The following MACROD1 variants were observed in gnomAD, a reference collection of about 807,000 sequenced individuals.
The protein encoded by MACROD1 is ADP-ribose glycohydrolase MACROD1.
A neutral mutation model predicts 41.4 loss-of-function variants in MACROD1; 31 were observed. That is an observed-to-expected ratio of 0.75 (90% CI 0.56 to 1.01). The LOEUF (loss-of-function observed/expected upper bound fraction) is 1.01. Among genes scored for constraint, MACROD1 ranks in the 50% least tolerant of loss-of-function variants. The pLI is 0.00. For missense variants in MACROD1, 473 were observed against 460.0 expected (o/e 1.03, Z -0.26); for synonymous variants, 252 against 203.4 (o/e 1.24, Z -2.03).
intron 3 of MACROD1, among the ~76,000 whole-genome samples, chr11:64,150,388 T>TG (rs1245743536): frequency 1.3e-5 from 2 of 152,184 alleles, no homozygotes; most frequent in Admixed American, 6.5e-5. Flanking sequence ...AGGGAGGGGC[T>TG]GGCACAGCAG....
intron 3 of MACROD1, among the ~76,000 whole-genome samples, chr11:64,035,747 C>T (rs1176374379): frequency 6.8e-6 from 1 of 147,190 alleles, no homozygotes; most frequent in Non-Finnish European, 1.5e-5. Context: ...TCCTCTCCCT[C>T]CCCGCTCCGC....
intron 3 of MACROD1, among the ~76,000 whole-genome samples, chr11:64,076,443 TG>T (rs1944202411): frequency 1.3e-5 from 2 of 151,714 alleles, no homozygotes; most frequent in Non-Finnish European, 2.9e-5. Context: ...ACTGGATGGA[TG>T]GATGGACGGA....
rs754269287 is a variant in MACROD1 at position 63,999,327 on chromosome 11, T to C, written c.891+4A>G. The C allele has an allele frequency of 7.0e-6, 11 of 1,564,180 alleles. No individual in the cohort carries two copies. Among genetic ancestry groups the C allele is most frequent in the Non-Finnish European group, 9.5e-6 (11 of 1,161,360 alleles). On this transcript the variant is annotated splice_donor_region_variant and intron_variant, in intron 8 of 10. Coordinates refer to ENST00000255681, the MANE Select transcript of MACROD1 (RefSeq NM_014067.4). Reference sequence around the variant, plus strand: ...CCCCACCCTCGCCCGGGCCCAGGACTCACCTTGTCCTTGTGCTGCTCCAGC... The same window carrying C: ...CCCCACCCTCGCCCGGGCCCAGGACCCACCTTGTCCTTGTGCTGCTCCAGC...
At chr11:64,137,289 C>A (rs1426467631) in intron 3 of MACROD1, among the ~76,000 whole-genome samples, 1 of 152,068 alleles carries the variant, frequency 6.6e-6, no homozygotes, top group Non-Finnish European at 1.5e-5. Flanking sequence ...GGGGGGGTCT[C>A]CTGAGCTGGG....
At chr11:64,112,555 C>T (rs929725183) in intron 3 of MACROD1, among the ~76,000 whole-genome samples, 6 of 152,106 alleles carry the variant, frequency 3.9e-5, no homozygotes, top group African/African-American at 7.2e-5. Context: ...AGATAAAACA[C>T]GTAGTGTGTT....
At chr11:64,160,930 G>T (rs2134732076) in intron 1 of MACROD1, among the ~76,000 whole-genome samples, 1 of 152,186 alleles carries the variant, frequency 6.6e-6, no homozygotes, top group East Asian at 1.9e-4. Context: ...CCAGCACTTT[G>T]GGAGGCCGAG....
At chr11:64,019,106 G>A (rs1278074095) in intron 3 of MACROD1, among the ~76,000 whole-genome samples, 2 of 152,290 alleles carry the variant, frequency 1.3e-5, no homozygotes, top group South Asian at 2.1e-4. Flanking sequence ...GGGGCCTCCC[G>A]GCAGCAAGCA....
chr11:63,999,736 G>T lies in MACROD1; in HGVS notation c.692C>A (p.Ala231Asp). 4 of 1,607,736 alleles carry T rather than the reference G, an allele frequency of 2.5e-6. No homozygotes were observed. Among genetic ancestry groups the T allele is most frequent in the Non-Finnish European group, 3.4e-6 (4 of 1,179,528 alleles). The change falls in exon 6 of 11, where the codon GCC becomes GAC. Residue 231 changes from alanine (A) to aspartate (D), a missense_variant. Transcript: ENST00000255681. ...KYVIHTVGPIAYGEPSASQAA... is the reference protein window; with the variant it reads ...KYVIHTVGPIDYGEPSASQAA... ...CTGACTGGCGCTGGGCTCCCCGTAG[G>T]CGATGGGCCCCACTGTGTGGATGAC...
At chr11:64,047,789 C>T (rs990200772) in intron 3 of MACROD1, among the ~76,000 whole-genome samples, 2 of 150,766 alleles carry the variant, frequency 1.3e-5, no homozygotes, top group African/African-American at 2.4e-5. Context: ...CCCAGCAACT[C>T]GGGAGGCTGA....
At chr11:64,110,699 C>T (rs1944846561) in intron 3 of MACROD1, among the ~76,000 whole-genome samples, 1 of 152,188 alleles carries the variant, frequency 6.6e-6, no homozygotes, top group Non-Finnish European at 1.5e-5. Flanking sequence ...ATGGAGCTGG[C>T]AGGTCGTAAC....
intron 3 of MACROD1, among the ~76,000 whole-genome samples, chr11:64,140,189 G>A (rs1157524440): frequency 6.6e-6 from 1 of 152,210 alleles, no homozygotes. Context: ...TCAGTCACCT[G>A]GCTTCTCTGG....
intron 4 of MACROD1, chr11:64,001,524 G>A (rs1471010061): frequency 2.8e-6 from 2 of 702,400 alleles, no homozygotes. Context: ...ATGCCAGGTA[G>A]CTCACACCCC....
At chr11:64,027,981 G>A (rs1366771475) in intron 3 of MACROD1, among the ~76,000 whole-genome samples, 2 of 152,248 alleles carry the variant, frequency 1.3e-5, no homozygotes, top group African/African-American at 2.4e-5. Context: ...CACTTGCTGC[G>A]CAGGGAATCT....
At chr11:64,137,908 T>C (rs1212175172) in intron 3 of MACROD1, among the ~76,000 whole-genome samples, 3 of 152,250 alleles carry the variant, frequency 2.0e-5, no homozygotes, top group African/African-American at 7.2e-5. Context: ...GTTCTCAATT[T>C]TACTGTTCCT....
chr11:64,049,772 G>A (rs1228417217), intron 3 of MACROD1, among the ~76,000 whole-genome samples: 1 of 152,208 alleles, frequency 6.6e-6, no homozygotes, highest in Admixed American at 6.5e-5. Context: ...TGTGAAATGG[G>A]CGCCAGCCTG....
chr11:64,017,006 G>C (rs1943090424), intron 3 of MACROD1, among the ~76,000 whole-genome samples: 1 of 152,174 alleles, frequency 6.6e-6, no homozygotes, highest in South Asian at 2.1e-4. Context: ...GTCTGGCTCT[G>C]TGGCCCAGGC....
At chr11:64,035,774 C>CCCGCCG (rs545232734) in intron 3 of MACROD1, among the ~76,000 whole-genome samples, 1 of 145,970 alleles carries the variant, frequency 6.9e-6, no homozygotes, top group South Asian at 2.1e-4. Flanking sequence ...ACGCACGGCC[C>CCCGCCG]CCGCCGCCGC....
At chr11:64,037,851 C>T (rs796924513) in intron 3 of MACROD1, among the ~76,000 whole-genome samples, 9 of 152,344 alleles carry the variant, frequency 5.9e-5, no homozygotes, top group African/African-American at 2.2e-4. Context: ...CCCTGTGCCT[C>T]AGTTTCCCTT....
intron 3 of MACROD1, among the ~76,000 whole-genome samples, chr11:64,045,483 C>G (rs1229146628): frequency 6.6e-6 from 1 of 152,146 alleles, no homozygotes; most frequent in Non-Finnish European, 1.5e-5. Context: ...CAGCGTGGGC[C>G]CTGCCGTGGG....
Sources: gnomAD v4.1 joint callset for allele counts (sites outside exome capture counted in the v4.1 genomes callset) on GRCh38, gnomAD v4.1.1 for gene constraint, MANE v1.5 for transcripts, NCBI Gene and HGNC (gene_info 2026-07-23, HGNC 2026-07-21) for gene names.